MAML3: variants seen among roughly 807,000 people sequenced by gnomAD.
MAML3 encodes the protein mastermind-like protein 3.
In MAML3, 27 loss-of-function variants were observed where a neutral mutation model predicts 101.9. The ratio of observed to expected loss-of-function variants is 0.27; its 90% CI spans 0.20 to 0.37. The LOEUF (loss-of-function observed/expected upper bound fraction) is 0.37. Among genes scored for constraint, MAML3 ranks in the 10% least tolerant of loss-of-function variants. The pLI is 1.00. For synonymous variants in MAML3, 501 were observed against 555.9 expected (o/e 0.90, Z 1.39); for missense variants, 1,316 against 1,444.9 (o/e 0.91, Z 1.45).
intron 1 of MAML3, among the ~76,000 whole-genome samples, chr4:140,000,344 A>G (rs534702368): frequency 1.3e-5 from 2 of 152,284 alleles, no homozygotes; most frequent in African/African-American, 4.8e-5. Context: ...GAAAAAAAAA[A>G]ACAACACAGC....
intron 4 of MAML3, among the ~76,000 whole-genome samples, chr4:139,724,001 GCAA>G (rs747452264): frequency 2.6e-5 from 4 of 152,182 alleles, no homozygotes; most frequent in Non-Finnish European, 4.4e-5. Context: ...CTCTGTATCT[GCAA>G]CAACAACTAT....
intron 1 of MAML3, among the ~76,000 whole-genome samples, chr4:140,098,960 C>T (rs1232939772): frequency 6.6e-6 from 1 of 152,124 alleles, no homozygotes; most frequent in Non-Finnish European, 1.5e-5. Context: ...TTTACTTTTC[C>T]TCCCCATTGC....
At chr4:140,062,693 A>G (rs1286674157) in intron 1 of MAML3, among the ~76,000 whole-genome samples, 1 of 152,228 alleles carries the variant, frequency 6.6e-6, no homozygotes, top group Non-Finnish European at 1.5e-5. Context: ...TGCTAAAATC[A>G]CATATACAAT....
intron 2 of MAML3, among the ~76,000 whole-genome samples, chr4:139,801,408 G>C (rs1312700056): frequency 6.6e-6 from 1 of 152,152 alleles, no homozygotes; most frequent in Non-Finnish European, 1.5e-5. Flanking sequence ...GGAAACTTCT[G>C]ACAGGGCAGG....
intron 1 of MAML3, among the ~76,000 whole-genome samples, chr4:140,033,198 T>C (rs1381677103): frequency 6.6e-6 from 1 of 152,226 alleles, no homozygotes; most frequent in Admixed American, 6.5e-5. Context: ...CACTAAGAGC[T>C]ATTCGAAACA....
intron 1 of MAML3, among the ~76,000 whole-genome samples, chr4:140,152,132 C>T (rs1349017363): frequency 2.0e-5 from 3 of 152,110 alleles, no homozygotes; most frequent in Non-Finnish European, 4.4e-5. Flanking sequence ...AGCCGCTCCA[C>T]CTGCCGGGCT....
At chr4:139,949,892 T>C (rs1370954382) in intron 1 of MAML3, among the ~76,000 whole-genome samples, 1 of 152,222 alleles carries the variant, frequency 6.6e-6, no homozygotes, top group Admixed American at 6.5e-5. Flanking sequence ...AGCAGATTAC[T>C]CTCTATAATG....
chr4:139,736,428 G>A (rs1728948880), intron 2 of MAML3, among the ~76,000 whole-genome samples: 1 of 152,164 alleles, frequency 6.6e-6, no homozygotes, highest in African/African-American at 2.4e-5. Context: ...ACGATGGCTA[G>A]ACAGAGGCGC....
chr4:140,141,462 C>T (rs1462552019), intron 1 of MAML3, among the ~76,000 whole-genome samples: 1 of 152,234 alleles, frequency 6.6e-6, no homozygotes, highest in African/African-American at 2.4e-5. Flanking sequence ...CCACTCCAAT[C>T]TGCACCCACG....
At chr4:139,979,226 T>C (rs1353423110) in intron 1 of MAML3, among the ~76,000 whole-genome samples, 1 of 152,210 alleles carries the variant, frequency 6.6e-6, no homozygotes, top group Non-Finnish European at 1.5e-5. Context: ...AATAAAATTT[T>C]AAACATTTTG....
intron 1 of MAML3, among the ~76,000 whole-genome samples, chr4:140,137,035 C>T (rs1728899512): frequency 6.6e-6 from 1 of 152,282 alleles, no homozygotes; most frequent in Admixed American, 6.5e-5. Context: ...TTCGCCCAGG[C>T]TGGACTGCAG....
chr4:139,756,907 A>G (rs1166033611), intron 2 of MAML3, among the ~76,000 whole-genome samples: 2 of 152,186 alleles, frequency 1.3e-5, no homozygotes, highest in Non-Finnish European at 2.9e-5. Flanking sequence ...CCTCATATGA[A>G]TGCATGACTA....
intron 1 of MAML3, among the ~76,000 whole-genome samples, chr4:140,128,268 C>T (rs1728716015): frequency 6.6e-6 from 1 of 152,014 alleles, no homozygotes. Flanking sequence ...GTGCAGAAGC[C>T]AAAAATACTC....
At chr4:139,954,675 G>A (rs927065708) in intron 1 of MAML3, among the ~76,000 whole-genome samples, 7 of 152,178 alleles carry the variant, frequency 4.6e-5, no homozygotes, top group African/African-American at 1.7e-4. Context: ...TTCACTTTGC[G>A]TAAGAAGTGT....
intron 1 of MAML3, among the ~76,000 whole-genome samples, chr4:139,923,086 A>G (rs919982812): frequency 3.3e-5 from 5 of 152,246 alleles, no homozygotes; most frequent in Non-Finnish European, 7.3e-5. Flanking sequence ...ATAAAAGCAC[A>G]TTGACAGGGT....
At chr4:139,985,243 G>C (rs1734515140) in intron 1 of MAML3, among the ~76,000 whole-genome samples, 1 of 152,212 alleles carries the variant, frequency 6.6e-6, no homozygotes, top group South Asian at 2.1e-4. Context: ...AAGTAATAAA[G>C]TTGATCTTTC....
chr4:139,725,691 A>T (rs1560770326), intron 4 of MAML3, 60 bp downstream of exon 4: 1 of 1,507,328 alleles, frequency 6.6e-7, no homozygotes, highest in Non-Finnish European at 9.2e-7. Flanking sequence ...CTCTGGCTAC[A>T]CATTCACTTA....
intron 2 of MAML3, among the ~76,000 whole-genome samples, chr4:139,827,251 C>A (rs1425730121): frequency 6.6e-6 from 1 of 152,112 alleles, no homozygotes; most frequent in Non-Finnish European, 1.5e-5. Flanking sequence ...ATTTCAAATA[C>A]CAGTTTAAGA....
chr4:140,022,091 G>A (rs1726742171), intron 1 of MAML3, among the ~76,000 whole-genome samples: 1 of 152,200 alleles, frequency 6.6e-6, no homozygotes, highest in African/African-American at 2.4e-5. Context: ...GCCCTGGAGG[G>A]ACCCAAGGGA....
Sources: gnomAD v4.1 joint callset for allele counts (sites outside exome capture counted in the v4.1 genomes callset) on GRCh38, gnomAD v4.1.1 for gene constraint, MANE v1.5 for transcripts, NCBI Gene and HGNC (gene_info 2026-07-23, HGNC 2026-07-21) for gene names.